Variants in PRELID2 observed in about 807,000 individuals in gnomAD.
The protein encoded by PRELID2 is PRELI domain containing 2, also known as PRELI domain-containing protein 2.
In PRELID2, 25 loss-of-function variants were observed where a neutral mutation model predicts 28.4. That is an observed-to-expected ratio of 0.88 (90% CI 0.64 to 1.23). The LOEUF is 1.23. Ranked by LOEUF, PRELID2 falls within the 50% of genes most tolerant of loss-of-function variation. The pLI, the probability that PRELID2 is intolerant of heterozygous loss-of-function variation, is 0.00. For missense variants in PRELID2, 201 were observed against 214.4 expected, an observed-to-expected ratio of 0.94 and a Z score of 0.39; for synonymous variants, 76 against 71.6, an observed-to-expected ratio of 1.06 and a Z score of -0.31.
At chr5:145,723,624 A>T (rs1756052143) in intron 1 of PRELID2, among the ~76,000 whole-genome samples, 1 of 152,232 alleles carries the variant, frequency 6.6e-6, no homozygotes, top group Admixed American at 6.5e-5. Context: ...TAATAAAAGA[A>T]ATGCAAATAA....
intron 5 of PRELID2, among the ~76,000 whole-genome samples, chr5:145,770,154 G>T (rs918133005): frequency 6.6e-6 from 1 of 152,054 alleles, no homozygotes; most frequent in Non-Finnish European, 1.5e-5. Context: ...ACTTGATAAC[G>T]ATGGTAAATG....
chr5:145,573,082 C>T (rs1162666658), intron 1 of PRELID2, among the ~76,000 whole-genome samples: 2 of 152,136 alleles, frequency 1.3e-5, no homozygotes, highest in East Asian at 3.9e-4. Flanking sequence ...GAGGTCTCTA[C>T]TTAACCCAAG....
At chr5:145,726,419 G>C (rs1470353153) in intron 1 of PRELID2, among the ~76,000 whole-genome samples, 4 of 152,202 alleles carry the variant, frequency 2.6e-5, no homozygotes, top group African/African-American at 9.6e-5. Flanking sequence ...TCTATAGTCA[G>C]GGAGAAATCA....
intron 5 of PRELID2, 115 bp from the exon 6 acceptor site, chr5:145,765,115 A>G: frequency 1.5e-6 from 1 of 688,304 alleles, no homozygotes; most frequent in East Asian, 2.8e-5. Flanking sequence ...ATTCATTTCA[A>G]CAAAGTAGGC....
At chr5:145,642,575 C>T (rs1050350936) in intron 1 of PRELID2, among the ~76,000 whole-genome samples, 1 of 152,160 alleles carries the variant, frequency 6.6e-6, no homozygotes, top group Non-Finnish European at 1.5e-5. Flanking sequence ...GTGATTTAGC[C>T]ATGAAGTCTT....
chr5:145,722,623 T>C (rs1323420257), intron 1 of PRELID2, among the ~76,000 whole-genome samples: 1 of 152,076 alleles, frequency 6.6e-6, no homozygotes, highest in Non-Finnish European at 1.5e-5. Flanking sequence ...CTCAGCCTCC[T>C]GAGTAGCTGG....
chr5:145,728,334 C>G, intron 1 of PRELID2: 1 of 347,502 alleles, frequency 2.9e-6, no homozygotes, highest in East Asian at 6.5e-5. Flanking sequence ...CTCTATTTAT[C>G]TCTATCTCTA....
At chr5:145,661,821 G>A (rs920572399) in intron 1 of PRELID2, among the ~76,000 whole-genome samples, 1 of 151,920 alleles carries the variant, frequency 6.6e-6, no homozygotes, top group East Asian at 1.9e-4. Context: ...GATACTGCTG[G>A]GTGAGTTAGA....
the PRELID2 span, among the ~76,000 whole-genome samples, chr5:145,312,645 T>A: frequency 1.3e-5 from 2 of 152,172 alleles, no homozygotes; most frequent in African/African-American, 4.8e-5. Flanking sequence ...TCACTTAACA[T>A]AATGCCCTCC....
At chr5:145,276,705 T>A in the PRELID2 span, among the ~76,000 whole-genome samples, 1 of 152,174 alleles carries the variant, frequency 6.6e-6, no homozygotes. Flanking sequence ...AATTGCTTTC[T>A]GCTATAGTAC....
chr5:145,460,608 C>T, the PRELID2 span, among the ~76,000 whole-genome samples: 1,505 of 152,264 alleles, frequency 9.9e-3, 12 homozygotes, highest in African/African-American at 0.021. Flanking sequence ...TTCACAAATA[C>T]TTGGGGCACC....
chr5:145,405,126 G>T, the PRELID2 span, among the ~76,000 whole-genome samples: 1 of 152,058 alleles, frequency 6.6e-6, no homozygotes, highest in African/African-American at 2.4e-5. Flanking sequence ...TCCTGATTGG[G>T]GAACTCCCAA....
rs118095082 is a variant in PRELID2, at chr5:145,769,015, G to A, written c.475-4015C>T. Among the ~76,000 whole-genome samples the A allele has an allele frequency of 6.3e-4, 96 of 152,294 alleles. No homozygotes were observed. In the East Asian group the frequency reaches 0.016, roughly 26 times the overall value. On this transcript the variant is annotated intron_variant, in intron 5 of 6. Coordinates refer to ENST00000683046, the MANE Select transcript of PRELID2 (RefSeq NM_205846.3). ...TAAAGAAGGACCAAATCAAAGCCCA[G>A]TCAATAGAGTCCTTTCAAATAAAGT...
intron 1 of PRELID2, among the ~76,000 whole-genome samples, chr5:145,622,834 C>T (rs543431680): frequency 6.6e-6 from 1 of 151,880 alleles, no homozygotes; most frequent in South Asian, 2.1e-4. Flanking sequence ...AAAAGCTAGA[C>T]AAATTATCTG....
At chr5:145,647,178 G>A (rs116381684) in intron 1 of PRELID2, among the ~76,000 whole-genome samples, 2,879 of 152,274 alleles carry the variant, frequency 0.019, 41 homozygotes, top group Non-Finnish European at 0.03. Flanking sequence ...TGTAAGTGCC[G>A]ACTGGGGCTG....
the PRELID2 span, among the ~76,000 whole-genome samples, chr5:145,337,686 AATATATATATATATATATATATAT>A: frequency 6.6e-4 from 53 of 79,876 alleles, 1 homozygote; most frequent in Middle Eastern, 7.9e-3. Flanking sequence ...GCATAGGGCA[AATATATATATATATATATATATAT>A]ATATATATAT....
chr5:145,418,289 A>G, the PRELID2 span, among the ~76,000 whole-genome samples: 8 of 152,210 alleles, frequency 5.3e-5, no homozygotes, highest in Non-Finnish European at 1.2e-4. Flanking sequence ...GGAAGAATCA[A>G]TATCATGAAA....
chr5:145,426,482 G>A, the PRELID2 span, among the ~76,000 whole-genome samples: 1 of 151,964 alleles, frequency 6.6e-6, no homozygotes, highest in Non-Finnish European at 1.5e-5. Context: ...TCCCCATGAA[G>A]GTCCAACTAT....
chr5:145,826,011 A>G, intron 1 of PRELID2: 8 of 985,194 alleles, frequency 8.1e-6, no homozygotes, highest in Non-Finnish European at 9.6e-6. Context: ...GGAAGACAGG[A>G]GGCAGATGGC....
Sources: allele counts gnomAD v4.1 joint callset (sites outside exome capture counted in the v4.1 genomes callset), GRCh38; gene constraint gnomAD v4.1.1; transcripts MANE v1.5; gene names NCBI Gene and HGNC (gene_info 2026-07-23, HGNC 2026-07-21).